CNTN1: variants seen among roughly 807,000 people sequenced by gnomAD.
CNTN1 encodes contactin-1.
In CNTN1, 38 loss-of-function variants were observed where a neutral mutation model predicts 126.4. That is an observed-to-expected ratio of 0.30 (90% confidence interval 0.23 to 0.39). The LOEUF is 0.39. CNTN1 is among the 10% of genes least tolerant of loss of function. The pLI, the probability that CNTN1 is intolerant of heterozygous loss-of-function variation, is 1.00. For synonymous variants in CNTN1, 413 were observed against 422.6 expected, an observed-to-expected ratio of 0.98 and a Z score of 0.28; for missense variants, 1,009 against 1,248.4, an observed-to-expected ratio of 0.81 and a Z score of 2.89.
chr12:40,703,451 A>G (rs1941652092), intron 1 of CNTN1, among the ~76,000 whole-genome samples: 1 of 152,194 alleles, frequency 6.6e-6, no homozygotes, highest in Non-Finnish European at 1.5e-5. Flanking sequence ...CACGTAGTAG[A>G]TACGTAATTT....
intron 1 of CNTN1, among the ~76,000 whole-genome samples, chr12:40,724,165 T>G (rs183887273): frequency 6.6e-6 from 1 of 152,192 alleles, no homozygotes; most frequent in East Asian, 1.9e-4. Flanking sequence ...AAATGTAACA[T>G]GTACCCTAGG....
chr12:40,745,433 C>T (rs10879122), intron 1 of CNTN1, among the ~76,000 whole-genome samples: 30,039 of 151,882 alleles, frequency 0.2, 3,564 homozygotes, highest in East Asian at 0.47. Context: ...TGGAAGGGGG[C>T]CAGGTTTCCA....
chr12:40,966,071 G>A (rs765157128), intron 15 of CNTN1, among the ~76,000 whole-genome samples: 1 of 148,580 alleles, frequency 6.7e-6, no homozygotes, highest in African/African-American at 2.5e-5. Flanking sequence ...GGAAAGAGAC[G>A]ATCATATAAA....
intron 1 of CNTN1, among the ~76,000 whole-genome samples, chr12:40,829,784 T>C (rs1262021004): frequency 6.6e-6 from 1 of 152,202 alleles, no homozygotes. Flanking sequence ...CTCCTGATGC[T>C]GAGTCATGGT....
At chr12:40,841,790 G>A (rs78319805) in intron 1 of CNTN1, among the ~76,000 whole-genome samples, 11,366 of 151,984 alleles carry the variant, frequency 0.075, 543 homozygotes, top group Non-Finnish European at 0.1. Context: ...CATAATAAAG[G>A]CCGTATAGGA....
intron 1 of CNTN1, among the ~76,000 whole-genome samples, chr12:40,693,145 T>G (rs1304595086): frequency 1.3e-5 from 2 of 151,928 alleles, no homozygotes; most frequent in Admixed American, 1.3e-4. Flanking sequence ...CTTCAGGAGA[T>G]GGGGGTGGGG....
At chr12:41,029,465 A>G (rs1949099031) in intron 23 of CNTN1, among the ~76,000 whole-genome samples, 5 of 152,214 alleles carry the variant, frequency 3.3e-5, no homozygotes, top group Admixed American at 3.3e-4. Flanking sequence ...TCTTTCAGAC[A>G]TAAGACGAAC....
chr12:40,929,731 C>A (rs1945817200), intron 6 of CNTN1, 65 bp from the exon 7 acceptor site: 2 of 1,206,264 alleles, frequency 1.7e-6, no homozygotes, highest in African/African-American at 3.0e-5. Context: ...TTACTAGCCT[C>A]TATTAAATTA....
At chr12:40,751,664 A>G (rs1938410167) in intron 1 of CNTN1, among the ~76,000 whole-genome samples, 1 of 152,088 alleles carries the variant, frequency 6.6e-6, no homozygotes, top group Non-Finnish European at 1.5e-5. Context: ...AAGAAACACT[A>G]TAATTCAGTG....
intron 1 of CNTN1, among the ~76,000 whole-genome samples, chr12:40,781,266 G>A (rs1565726873): frequency 6.6e-6 from 1 of 152,020 alleles, no homozygotes; most frequent in Non-Finnish European, 1.5e-5. Context: ...ATGAGATAAA[G>A]AGTGAAGTCA....
chr12:40,698,737 T>G (rs1941517269), intron 1 of CNTN1, among the ~76,000 whole-genome samples: 1 of 152,120 alleles, frequency 6.6e-6, no homozygotes, highest in South Asian at 2.1e-4. Context: ...TTAGTTCCCC[T>G]TTTTTTGTAT....
chr12:40,923,350 A>C (rs907704167), intron 5 of CNTN1, among the ~76,000 whole-genome samples: 5 of 152,168 alleles, frequency 3.3e-5, no homozygotes, highest in African/African-American at 1.2e-4. Flanking sequence ...ATTTGTCAGC[A>C]CTTAAATCTT....
At chr12:40,696,456 C>T (rs1219861400) in intron 1 of CNTN1, among the ~76,000 whole-genome samples, 1 of 152,240 alleles carries the variant, frequency 6.6e-6, no homozygotes, top group Non-Finnish European at 1.5e-5. Context: ...GTTATCAAAA[C>T]TTCCAATTTA....
At chr12:40,831,175 T>C (rs1159012939) in intron 1 of CNTN1, among the ~76,000 whole-genome samples, 2 of 146,968 alleles carry the variant, frequency 1.4e-5, no homozygotes, top group Non-Finnish European at 3.0e-5. Context: ...ATGTATAGTA[T>C]ATATATTTAC....
In CNTN1 at chr12:40,975,346, G is replaced by A. The variant is rs1315506858; in HGVS notation, c.1805-5563G>A. On this transcript the variant is annotated intron_variant, in intron 15 of 23. Transcript: ENST00000551295. ...AACATAAATTTAGAGAAAGAGAGTA[G>A]GGGTGTGGCAAATGAGACTCTGCAT... Among the ~76,000 whole-genome samples, 6 of 151,870 alleles carry A rather than the reference G, an allele frequency of 4.0e-5. No individual in the cohort carries two copies. The East Asian group carries it at 1.2e-3, about 29-fold the overall frequency.
chr12:40,696,007 G>A (rs981876330), intron 1 of CNTN1, among the ~76,000 whole-genome samples: 1 of 152,160 alleles, frequency 6.6e-6, no homozygotes, highest in Non-Finnish European at 1.5e-5. Context: ...GCAGTTAAGC[G>A]AACATCAGCA....
chr12:40,751,950 A>G (rs984413028), intron 1 of CNTN1, among the ~76,000 whole-genome samples: 1 of 152,106 alleles, frequency 6.6e-6, no homozygotes, highest in African/African-American at 2.4e-5. Flanking sequence ...TGGTTCTCAA[A>G]TTGAAGCCAT....
intron 1 of CNTN1, among the ~76,000 whole-genome samples, chr12:40,871,867 A>T (rs1377720820): frequency 6.6e-6 from 1 of 152,146 alleles, no homozygotes; most frequent in African/African-American, 2.4e-5. Context: ...GCCAACTATG[A>T]GAAGGAAAAA....
At chr12:40,973,710 T>C (rs1947588909) in intron 15 of CNTN1, among the ~76,000 whole-genome samples, 1 of 152,030 alleles carries the variant, frequency 6.6e-6, no homozygotes, top group Non-Finnish European at 1.5e-5. Context: ...AAAGGGTCAG[T>C]AGTTTTGGGG....
Sources: gnomAD v4.1 joint callset for allele counts (sites outside exome capture counted in the v4.1 genomes callset) on GRCh38, gnomAD v4.1.1 for gene constraint, MANE v1.5 for transcripts, NCBI Gene and HGNC (gene_info 2026-07-23, HGNC 2026-07-21) for gene names.